Variants in GRIK2 observed in about 807,000 individuals in gnomAD.
GRIK2 encodes the protein glutamate receptor ionotropic, kainate 2.
GRIK2 carries 32 observed loss-of-function variants against 100.3 expected under a neutral mutation model. That is an observed-to-expected ratio of 0.32 (90% CI 0.24 to 0.43). The LOEUF (loss-of-function observed/expected upper bound fraction) is 0.43. Among genes scored for constraint, GRIK2 ranks in the 20% least tolerant of loss-of-function variants. The pLI is 1.00. For synonymous variants in GRIK2, 417 were observed against 389.4 expected (o/e 1.07, Z -0.83); for missense variants, 843 against 1,114.9 (o/e 0.76, Z 3.47).
At chr6:101,823,981 C>T (rs1397501905) in intron 10 of GRIK2, among the ~76,000 whole-genome samples, 1 of 151,674 alleles carries the variant, frequency 6.6e-6, no homozygotes. Context: ...GATTCTCCTG[C>T]CTCAGCCTCC....
chr6:101,514,459 G>C (rs557984960), intron 2 of GRIK2, among the ~76,000 whole-genome samples: 2 of 152,146 alleles, frequency 1.3e-5, no homozygotes, highest in African/African-American at 4.8e-5. Flanking sequence ...AGCCGAAAGA[G>C]GAGGTCCCCC....
rs1401574599 is a variant in GRIK2, at chr6:101,491,049, C to A, written c.115+91657C>A. 2.3e-5 allele frequency among the ~76,000 whole-genome samples: 3 copies of A among 128,746 alleles called. 1 individual carries two copies. Among genetic ancestry groups the A allele is most frequent in the Non-Finnish European group, 1.7e-5 (1 of 59,400 alleles). 84.5% of individuals were successfully genotyped at this position (128,746 alleles called of 152,430 possible). A position where few individuals can be genotyped will look rare whatever the true frequency, so the allele number is the denominator to read the frequency against. On this transcript the variant is annotated intron_variant, in intron 2 of 16. Coordinates refer to ENST00000369134, the MANE Select transcript of GRIK2 (RefSeq NM_021956.5). ...GCATTCAGACAGGTGTCTACCACTCCTTGATGACCTGTAGACATCCATGAG... is the reference window on the plus strand; with the variant it reads ...GCATTCAGACAGGTGTCTACCACTCATTGATGACCTGTAGACATCCATGAG...
chr6:101,697,510 C>T (rs1406511875), intron 7 of GRIK2, among the ~76,000 whole-genome samples: 1 of 151,838 alleles, frequency 6.6e-6, no homozygotes, highest in Non-Finnish European at 1.5e-5. Context: ...CCCTATTTAA[C>T]AGATATTTAA....
intron 16 of GRIK2, among the ~76,000 whole-genome samples, chr6:102,059,290 G>A (rs1357167396): frequency 6.6e-6 from 1 of 151,222 alleles, no homozygotes; most frequent in Non-Finnish European, 1.5e-5. Context: ...AATGCCTCAA[G>A]GACACATTGC....
intron 4 of GRIK2, among the ~76,000 whole-genome samples, chr6:101,666,463 G>A (rs1770040595): frequency 6.6e-6 from 1 of 152,194 alleles, no homozygotes; most frequent in Non-Finnish European, 1.5e-5. Context: ...CAGAACTTGA[G>A]CTGATGCCAC....
chr6:102,061,596 T>C (rs1007647468), intron 16 of GRIK2, among the ~76,000 whole-genome samples: 1 of 150,578 alleles, frequency 6.6e-6, no homozygotes, highest in Non-Finnish European at 1.5e-5. Context: ...GCATGAGTTA[T>C]GGAATTAAAA....
At chr6:101,694,538 A>G (rs1164569323) in intron 7 of GRIK2, among the ~76,000 whole-genome samples, 2 of 152,156 alleles carry the variant, frequency 1.3e-5, no homozygotes, top group South Asian at 4.1e-4. Flanking sequence ...AGAGAGTAAG[A>G]GATGGAATTG....
At chr6:101,955,891 A>G (rs955500423) in intron 14 of GRIK2, among the ~76,000 whole-genome samples, 6 of 151,794 alleles carry the variant, frequency 4.0e-5, no homozygotes, top group African/African-American at 1.2e-4. Flanking sequence ...TTGTTGCTTC[A>G]TTAGTTTTCA....
At chr6:101,635,534 A>G (rs1213678281) in intron 4 of GRIK2, among the ~76,000 whole-genome samples, 1 of 152,188 alleles carries the variant, frequency 6.6e-6, no homozygotes, top group Non-Finnish European at 1.5e-5. Flanking sequence ...CAGCTTCTGC[A>G]CAGCAAAAGA....
At chr6:101,441,112 G>A (rs999129297) in intron 2 of GRIK2, among the ~76,000 whole-genome samples, 10 of 151,954 alleles carry the variant, frequency 6.6e-5, no homozygotes, top group African/African-American at 2.4e-4. Context: ...CTAGAGCACT[G>A]GGATTACAGG....
intron 7 of GRIK2, among the ~76,000 whole-genome samples, chr6:101,794,710 T>C (rs1435039471): frequency 6.6e-6 from 1 of 152,112 alleles, no homozygotes; most frequent in Non-Finnish European, 1.5e-5. Flanking sequence ...GAATCTTTTT[T>C]CAGGCATTTC....
At chr6:101,751,271 T>C (rs935280055) in intron 7 of GRIK2, among the ~76,000 whole-genome samples, 5 of 152,006 alleles carry the variant, frequency 3.3e-5, no homozygotes, top group African/African-American at 1.2e-4. Context: ...TTATTTTTAC[T>C]TTTTATTATG....
At chr6:101,811,408 A>G (rs1433652697) in intron 9 of GRIK2, among the ~76,000 whole-genome samples, 2 of 152,064 alleles carry the variant, frequency 1.3e-5, no homozygotes, top group Non-Finnish European at 2.9e-5. Flanking sequence ...TTTTCCATCT[A>G]CCAACATCCA....
At position 101,686,263 on chromosome 6, in the gene GRIK2, C is replaced by A. The variant is rs771621648; in HGVS notation, c.861C>A (p.Thr287=). The A allele has an allele frequency of 3.1e-6, 5 of 1,612,476 alleles. No homozygotes were observed. Among genetic ancestry groups the A allele is most frequent in the Non-Finnish European group, 4.2e-6 (5 of 1,178,860 alleles). ...TGFRILNTEN[T]QVSSIIEKWS... ...TCAGAATATTAAATACAGAAAATAC[C>A]CAAGTCTCCTCCATCATTGAAAAGT... The change falls in exon 7 of 17, where the codon ACC becomes ACA. Residue 287 remains threonine, a synonymous_variant. Transcript: ENST00000369134.
At chr6:101,473,061 A>G (rs1054442855) in intron 2 of GRIK2, among the ~76,000 whole-genome samples, 3 of 151,368 alleles carry the variant, frequency 2.0e-5, no homozygotes, top group Admixed American at 2.0e-4. Context: ...TACACCTCTA[A>G]TAGAGGTTCA....
At chr6:102,000,741 C>G (rs964014550) in intron 14 of GRIK2, among the ~76,000 whole-genome samples, 1 of 152,018 alleles carries the variant, frequency 6.6e-6, no homozygotes. Flanking sequence ...TGTCACTTCT[C>G]GCATTCCTGC....
chr6:101,949,653 C>T (rs1194084996), intron 14 of GRIK2, among the ~76,000 whole-genome samples: 2 of 152,130 alleles, frequency 1.3e-5, no homozygotes, highest in South Asian at 2.1e-4. Flanking sequence ...TGCTTTCTAT[C>T]TTCATCCATG....
At chr6:101,941,666 G>C (rs1790962473) in intron 14 of GRIK2, among the ~76,000 whole-genome samples, 1 of 152,056 alleles carries the variant, frequency 6.6e-6, no homozygotes, top group Non-Finnish European at 1.5e-5. Flanking sequence ...TGGAAAGATG[G>C]TAACATATGT....
rs1362426506 is a variant in GRIK2, at chr6:101,613,414, A to G, written c.116-8535A>G. ...AGAAACACATTTCACATACCTTTGTAATATTAGTAAATTACCTTGATACAT... is the reference window on the plus strand; with the variant it reads ...AGAAACACATTTCACATACCTTTGTGATATTAGTAAATTACCTTGATACAT... On this transcript the variant is annotated intron_variant, in intron 2 of 16. Transcript: ENST00000369134. 3.9e-5 allele frequency among the ~76,000 whole-genome samples: 6 copies of G among 151,930 alleles called. No homozygotes were observed. In the East Asian group the frequency reaches 1.2e-3, roughly 29 times the overall value.
Sources: gnomAD v4.1 joint callset for allele counts (sites outside exome capture counted in the v4.1 genomes callset) on GRCh38, gnomAD v4.1.1 for gene constraint, MANE v1.5 for transcripts, NCBI Gene and HGNC (gene_info 2026-07-23, HGNC 2026-07-21) for gene names.